The following HYI variants were observed in gnomAD, a reference collection of about 807,000 sequenced individuals.
HYI encodes the protein hydroxypyruvate isomerase (putative), also known as putative hydroxypyruvate isomerase.
A neutral mutation model predicts 39.7 loss-of-function variants in HYI; 47 were observed. The observed-to-expected ratio is 1.18, with a 90% CI of 0.94 to 1.51. The LOEUF is 1.51. HYI is among the 40% of genes most tolerant of loss of function. The pLI is 0.00. For synonymous variants in HYI, 186 were observed against 158.8 expected (o/e 1.17, Z -1.29); for missense variants, 465 against 370.3 (o/e 1.26, Z -2.10).
At position 43,453,494 on chromosome 1, in the gene HYI, T is replaced by G. The variant is rs1445755309; in HGVS notation, c.203A>C (p.Asp68Ala). 1.3e-5 allele frequency: 20 copies of G among 1,552,496 alleles called. No individual in the cohort carries two copies. The highest frequency in any genetic ancestry group is 1.7e-5 in the Non-Finnish European group (20 of 1,147,298). ...CAGCCCCATTTCCCCCTTCTCTTGG[T>G]CTCCTGCAGAGAGAACGGGCCTCAG... is the stretch of plus-strand genomic sequence containing the variant. The part of the protein sequence containing the change: ...RLVLINTPPG[D>A]QEKGEMGLGA... Residue 68 changes from aspartate (D) to alanine (A), a missense_variant, in exon 2 of 8, where the codon GAC (aspartate) becomes GCC (alanine). Transcript: ENST00000372430.
intron 5 of HYI, 32 bp from the exon 6 acceptor site, chr1:43,451,749 C>T (rs1181786075): frequency 3.1e-6 from 5 of 1,613,614 alleles, no homozygotes; most frequent in East Asian, 2.2e-5. Flanking sequence ...TCCGAGACCC[C>T]GCAGGCCCCG....
At chr1:43,452,116 G>A in intron 3 of HYI, 89 bp downstream of exon 3, 2 of 1,483,114 alleles carry the variant, frequency 1.3e-6, no homozygotes, top group South Asian at 1.2e-5. Context: ...ACCTAGGCTG[G>A]CAGCCTCACG....
chr1:43,451,311 C>T lies in HYI; in HGVS notation c.761G>A (p.Gly254Glu), dbSNP rs750597954. 1.2e-6 allele frequency: 2 copies of T among 1,613,868 alleles called. No individual in the cohort carries two copies. Among genetic ancestry groups the T allele is most frequent in the Non-Finnish European group, 8.5e-7 (1 of 1,180,012 alleles). The change falls in exon 8 of 8, where the codon GGA becomes GAA. Residue 254 changes from glycine (G) to glutamate (E), a missense_variant and splice_region_variant. Gly to Glu is a moderately conservative substitution (Grantham distance 98, BLOSUM62 -2). Coordinates refer to ENST00000372430, the MANE Select transcript of HYI (RefSeq NM_001190880.3). ...GFVGCEYQPRGDTVEGLSWLR... is the reference protein window; with the variant it reads ...GFVGCEYQPREDTVEGLSWLR... ...CCAACTCAAGCCCTCTACTGTGTCT[C>T]CTGCAGGGAGAGGGAGGCCTCGGCA...
chr1:43,451,588 G>C, intron 6 of HYI, 44 bp from the exon 7 acceptor site: 2 of 1,613,692 alleles, frequency 1.2e-6, no homozygotes, highest in Non-Finnish European at 1.7e-6. Flanking sequence ...GCTCCTGCCA[G>C]GGCCTGAAGG....
chr1:43,451,369 C>A (rs747330436), intron 7 of HYI, 41 bp downstream of exon 7: 1 of 1,611,948 alleles, frequency 6.2e-7, no homozygotes, highest in Non-Finnish European at 8.5e-7. Context: ...AGCCCCTGTC[C>A]GGGTCCCTCC....
chr1:43,453,810 C>G lies in HYI; in HGVS notation c.-17G>C. On this transcript the variant is annotated 5_prime_UTR_variant, in exon 1 of 8. Transcript: ENST00000372430. ...CGGCGCCATGCCTGGGGAGGCCGGG[C>G]CGGGCGGAGTCCGCGGGATCCAAAG... 8.0e-7 allele frequency: 1 copy of G among 1,250,836 alleles called. No individual in the cohort carries two copies. Among genetic ancestry groups the G allele is most frequent in the Non-Finnish European group, 1.0e-6 (1 of 1,000,102 alleles). The allele number at this position is 1,250,836 out of a possible 1,614,324, so 77.5% of individuals were successfully genotyped here.
chr1:43,450,884 T>G, downstream of HYI: 1 of 731,678 alleles, frequency 1.4e-6, no homozygotes, highest in South Asian at 1.4e-5. The surrounding 1 kb of genome is among the most constrained non-coding windows in gnomAD (Gnocchi z 4.3). Context: ...CCTTCGGGTC[T>G]TCACTTCCCA....
At position 43,451,804 on chromosome 1, in the gene HYI, T is replaced by C; in HGVS notation, c.549A>G (p.Leu183=). The stretch of plus-strand genomic sequence containing the variant: ...AGTACCCCCTTCCACTTACCATTTG[T>C]AATTGGAGGTTGGGTCTTCCTACCT... ...LQKVGRPNLQ[L]QMDIFHWQIM... is the part of the protein sequence containing the mutation. The change falls in exon 5 of 8, where the codon TTA becomes TTG. Residue 183 remains leucine (L), a synonymous_variant. Transcript: ENST00000372430. 6.2e-7 allele frequency: 1 copy of C among 1,613,980 alleles called. No individual in the cohort carries two copies.
rs745934115 is a variant in HYI, at chr1:43,451,848, CTG to C, written c.506-3_506-2del. 7.4e-6 allele frequency: 12 copies of C among 1,614,072 alleles called. No homozygotes were observed. Among genetic ancestry groups the C allele is most frequent in the Non-Finnish European group, 1.0e-5 (12 of 1,179,982 alleles). ...CCTACCTTCTGTAAGATGGCTGCCG[CTG>C]TAAGAGAAGCCAGGGAGGGGACCGT... On this transcript the variant is annotated splice_acceptor_variant and splice_polypyrimidine_tract_variant and intron_variant, in intron 4 of 7. Coordinates refer to ENST00000372430, the MANE Select transcript of HYI (RefSeq NM_001190880.3). LOFTEE classifies it high-confidence loss of function.
At chr1:43,451,759 G>A (rs1174426524) in intron 5 of HYI, 39 bp downstream of exon 5, 6 of 1,613,492 alleles carry the variant, frequency 3.7e-6, no homozygotes, top group South Asian at 3.3e-5. Context: ...CGCAGGCCCC[G>A]CCCTCCTTCC....
At chr1:43,453,027 C>T (rs373694748) in intron 2 of HYI, 10 of 1,423,226 alleles carry the variant, frequency 7.0e-6, no homozygotes, top group South Asian at 4.8e-5. Context: ...CCAAGCATCA[C>T]TACCTGTAAG....
In HYI at chr1:43,452,195, C is replaced by T. The variant is rs765156916; in HGVS notation, c.426+10G>A. On this transcript the variant is annotated intron_variant, in intron 3 of 7. Coordinates refer to ENST00000372430, the MANE Select transcript of HYI (RefSeq NM_001190880.3). ...ACATGTAAGTACGTGTGTGTTTCCA[C>T]CTTTCTCACCTGAGCCAAAACCCCA... The T allele has an allele frequency of 1.2e-6, 2 of 1,606,758 alleles. No homozygotes were observed. The highest frequency in any genetic ancestry group is 1.7e-5 in the Admixed American group (1 of 59,496).
chr1:43,453,499 T>C lies in HYI; in HGVS notation c.200-2A>G, dbSNP rs1656677995. 6.5e-7 allele frequency: 1 copy of C among 1,549,602 alleles called. No individual in the cohort carries two copies. The highest frequency in any genetic ancestry group is 1.9e-5 in the Admixed American group (1 of 52,206). ...CCATTTCCCCCTTCTCTTGGTCTCC[T>C]GCAGAGAGAACGGGCCTCAGCCCCC... is the stretch of plus-strand genomic sequence containing the variant. On this transcript the variant is annotated splice_acceptor_variant, in intron 1 of 7. Coordinates refer to ENST00000372430, the MANE Select transcript of HYI (RefSeq NM_001190880.3). LOFTEE classifies it high-confidence loss of function.
rs1249863893 is a variant in HYI at position 43,453,641 on chromosome 1, GGC to G, written c.151_152del (p.Ala51ArgfsTer66). The G allele has an allele frequency of 6.7e-7, 1 of 1,491,924 alleles. No homozygotes were observed. The highest frequency in any genetic ancestry group is 8.9e-7 in the Non-Finnish European group (1 of 1,127,692). The allele number at this position is 1,491,924 out of a possible 1,614,324, so 92.4% of individuals were successfully genotyped here. A position where few individuals can be genotyped will look rare whatever the true frequency, so the allele number is the denominator to read the frequency against. On this transcript the variant is annotated frameshift_variant, in exon 1 of 8. Coordinates refer to ENST00000372430, the MANE Select transcript of HYI (RefSeq NM_001190880.3). LOFTEE classifies it high-confidence loss of function. The stretch of plus-strand genomic sequence containing the variant: ...CAAGCCGCAGCCCCGCTTCTCGCGC[GGC>G]GCGCGCCAGCGCCTCAGGCGTCTCC... Reference protein sequence around the residue: ...YAETPEALARAAREAGLRLVL... With the variant: ...YAETPEALARXAREAGLRLVL...
chr1:43,451,460 A>G lies in HYI; in HGVS notation c.710T>C (p.Leu237Pro). ...ELNFPYLFQL[L>P]EDEGYKGFVG... ...GAAGCCTTTGTAGCCTTCATCTTCC[A>G]GCAGTTGAAACAGATAGGGGAAATT... is the stretch of plus-strand genomic sequence containing the variant. The change falls in exon 7 of 8, where the codon CTG becomes CCG. Residue 237 changes from leucine to proline, a missense_variant. Physicochemically the swap from Leu to Pro is moderately conservative, Grantham distance 98. Coordinates refer to ENST00000372430, the MANE Select transcript of HYI (RefSeq NM_001190880.3). The G allele has an allele frequency of 6.2e-7, 1 of 1,614,078 alleles. No individual in the cohort carries two copies. Among genetic ancestry groups the G allele is most frequent in the Non-Finnish European group, 8.5e-7 (1 of 1,180,032 alleles).
Position 43,453,611 on chromosome 1 carries a change from C to A in HYI, c.183G>T (p.Leu61=), listed in dbSNP as rs949427907. ...GCGACGCACCCGGGGGCGTGTTGAT[C>A]AGTACAAGCCGCAGCCCCGCTTCTC... ...AAREAGLRLV[L]INTPPGDQEK... Residue 61 remains leucine, a synonymous_variant, in exon 1 of 8, where the codon CTG becomes CTT. Coordinates refer to ENST00000372430, the MANE Select transcript of HYI (RefSeq NM_001190880.3). The A allele has an allele frequency of 5.7e-5, 86 of 1,496,950 alleles. No homozygotes were observed. In the African/African-American group the frequency reaches 1.2e-3, roughly 20 times the overall value. 92.7% of individuals were successfully genotyped at this position (1,496,950 alleles called of 1,614,324 possible).
At chr1:43,452,951 A>C in intron 2 of HYI, 1 of 1,609,758 alleles carries the variant, frequency 6.2e-7, no homozygotes, top group Non-Finnish European at 8.5e-7. Context: ...TCCTCTTGCC[A>C]CAGCACCCTT....
Position 43,453,690 on chromosome 1 carries a change from A to G in HYI, c.104T>C (p.Val35Ala). 1 of 1,452,050 alleles carries G rather than the reference A, an allele frequency of 6.9e-7. No individual in the cohort carries two copies. The highest frequency in any genetic ancestry group is 1.4e-5 in the South Asian group (1 of 73,512). 89.9% of individuals were successfully genotyped at this position (1,452,050 alleles called of 1,614,324 possible). The change falls in exon 1 of 8, where the codon GTC (valine) becomes GCC (alanine). Residue 35 changes from valine to alanine, a missense_variant. Transcript: ENST00000372430. ...CTCCGCGTACGGCCAGGCCACCTCG[A>G]CGGCCTCGAAGCCCGAGCTGCCCGC... ...RAAGSSGFEAVEVAWPYAETP... is the reference protein window; with the variant it reads ...RAAGSSGFEAAEVAWPYAETP...
chr1:43,453,854 CGGGCGGCGGGCGG>C lies in HYI; in HGVS notation c.-74_-62del. On this transcript the variant is annotated 5_prime_UTR_variant, in exon 1 of 8. Transcript: ENST00000372430. ...TCCAAAGGCGGCGGGCGGCGGGCGGCGGGCGGCGGGCGGGGGCGGGGCTCTCCTTGCTGGCCCT... is the reference window on the plus strand; with the variant it reads ...TCCAAAGGCGGCGGGCGGCGGGCGGCGGGCGGGGCTCTCCTTGCTGGCCCT... The C allele has an allele frequency of 1.1e-6, 1 of 921,664 alleles. No individual in the cohort carries two copies. 57.1% of individuals were successfully genotyped at this position (921,664 alleles called of 1,614,324 possible).
Sources: gnomAD v4.1 joint callset for allele counts on GRCh38, gnomAD v4.1.1 for gene constraint, Gnocchi (gnomAD v3.1) non-coding constraint, MANE v1.5 for transcripts, NCBI Gene and HGNC (gene_info 2026-07-23, HGNC 2026-07-21) for gene names.